The following MYLK variants were observed in gnomAD, a reference collection of about 807,000 sequenced individuals.
MYLK encodes the protein myosin light chain kinase, smooth muscle.
Under a neutral mutation model 203.4 loss-of-function variants are expected in MYLK, and 106 were observed. The ratio of observed to expected loss-of-function variants is 0.52; its 90% CI spans 0.45 to 0.61. The LOEUF (loss-of-function observed/expected upper bound fraction) is 0.61, where lower values mean the gene tolerates loss of function less well. Ranked by LOEUF, MYLK falls within the 20% of genes least tolerant of loss-of-function variation. The pLI is 0.00. For missense variants in MYLK, 2,072 were observed against 2,442.3 expected (o/e 0.85, Z 3.20); for synonymous variants, 867 against 959.5 (o/e 0.90, Z 1.78).
At chr3:123,833,886 T>C (rs1477568869) in intron 2 of MYLK, among the ~76,000 whole-genome samples, 2 of 152,066 alleles carry the variant, frequency 1.3e-5, no homozygotes, top group Non-Finnish European at 2.9e-5. Context: ...CTTCATCAGG[T>C]AACAGGGCCC....
chr3:123,780,191 C>T (rs1304085748), intron 4 of MYLK, among the ~76,000 whole-genome samples: 2 of 152,074 alleles, frequency 1.3e-5, no homozygotes, highest in Admixed American at 6.5e-5. Context: ...CCCAGCACTT[C>T]GGGCGGCCTA....
At chr3:123,634,485 C>T (rs1038073240) in intron 29 of MYLK, among the ~76,000 whole-genome samples, 1 of 152,196 alleles carries the variant, frequency 6.6e-6, no homozygotes, top group Non-Finnish European at 1.5e-5. Flanking sequence ...ACACACCTCT[C>T]CTCCCTCCTG....
In MYLK at chr3:123,664,149, T is replaced by C. The variant is rs2059657264; in HGVS notation, c.3941A>G (p.Asn1314Ser). ...CTGGGCCTGCCTGCTGCCCAGCTTG[T>C]TCTCCACCAGCAGTGTGTAGCAGCC... Reference protein sequence around the residue: ...HCGCYTLLVENKLGSRQAQVN... With the variant: ...HCGCYTLLVESKLGSRQAQVN... Residue 1314 changes from asparagine to serine, a missense_variant, in exon 23 of 34, where the codon AAC becomes AGC. Asn to Ser is a conservative substitution (Grantham distance 46). Around this residue, in one of 3 missense-constraint regions of MYLK, gnomAD observed 524 missense variants for 782.4 expected, o/e 0.67. Transcript: ENST00000360304. 1 of 1,614,106 alleles carries C rather than the reference T, an allele frequency of 6.2e-7. No individual in the cohort carries two copies. The highest frequency in any genetic ancestry group is 8.5e-7 in the Non-Finnish European group (1 of 1,179,972).
Position 123,867,421 on chromosome 3 carries a change from C to CAAA in MYLK, c.-127+9135_-127+9137dup, listed in dbSNP as rs4048400. Among the ~76,000 whole-genome samples the CAAA allele has an allele frequency of 5.8e-5, 4 of 68,696 alleles. 1 individual carries two copies. The highest frequency in any genetic ancestry group is 2.9e-4 in the East Asian group (1 of 3,438). The allele number at this position is 68,696 out of a possible 152,430, so 45.1% of individuals were successfully genotyped here. A position where few individuals can be genotyped will look rare whatever the true frequency, so the allele number is the denominator to read the frequency against. On this transcript the variant is annotated intron_variant, in intron 2 of 33. Transcript: ENST00000360304. ...GGGATTTAATCCAATGACTAGTATCCAAAAAAAAAAAAAAAAAAACCAGGA... is the reference window on the plus strand; with the variant it reads ...GGGATTTAATCCAATGACTAGTATCCAAAAAAAAAAAAAAAAAAAAAACCAGGA...
Position 123,855,653 on chromosome 3 carries a change from C to T in MYLK, c.-127+20906G>A, listed in dbSNP as rs1195076195. Among the ~76,000 whole-genome samples, 4 of 151,816 alleles carry T rather than the reference C, an allele frequency of 2.6e-5. No homozygotes were observed. In the East Asian group the frequency reaches 7.8e-4, roughly 29 times the overall value. On this transcript the variant is annotated intron_variant, in intron 2 of 33. Coordinates refer to ENST00000360304, the MANE Select transcript of MYLK (RefSeq NM_053025.4). ...GACCCTGTCCTTAAAAAAATAAATA[C>T]AAGAAATTAAAAAAATAAAAACAAA...
chr3:123,690,821 T>A (rs2060630512), intron 19 of MYLK, among the ~76,000 whole-genome samples: 1 of 152,146 alleles, frequency 6.6e-6, no homozygotes. Context: ...GCTCCCAATT[T>A]GCAGCTGGAG....
chr3:123,723,535 C>T (rs1221664297), intron 12 of MYLK, among the ~76,000 whole-genome samples: 1 of 152,210 alleles, frequency 6.6e-6, no homozygotes, highest in Non-Finnish European at 1.5e-5. Flanking sequence ...TCTCTTCTGT[C>T]CAAACATGTG....
At position 123,841,191 on chromosome 3, in the gene MYLK, C is replaced by T. The variant is rs559732154; in HGVS notation, c.-126-9521G>A. Among the ~76,000 whole-genome samples the T allele has an allele frequency of 1.7e-3, 259 of 152,192 alleles. 1 individual carries two copies. Among genetic ancestry groups the T allele is most frequent in the Non-Finnish European group, 2.7e-3 (183 of 67,958 alleles). ...TAAAACCACAAGTGTTCAAAAGGTC[C>T]TGGACAACTATCTGTGAAGGATGCT... On this transcript the variant is annotated intron_variant, in intron 2 of 33. Coordinates refer to ENST00000360304, the MANE Select transcript of MYLK (RefSeq NM_053025.4).
At chr3:123,775,112 C>T (rs1023081889) in intron 4 of MYLK, among the ~76,000 whole-genome samples, 2 of 152,072 alleles carry the variant, frequency 1.3e-5, no homozygotes, top group African/African-American at 4.8e-5. Flanking sequence ...CAGCCTTGAA[C>T]TCCCGGGCTC....
chr3:123,772,791 AAAATGTGATATGTTTCATTT>A (rs1336851815), intron 4 of MYLK, among the ~76,000 whole-genome samples: 2 of 152,048 alleles, frequency 1.3e-5, no homozygotes, highest in Non-Finnish European at 2.9e-5. Context: ...AACGTAAAAT[AAAATGTGATATGTTTCATTT>A]AAAAAACGTG....
intron 4 of MYLK, among the ~76,000 whole-genome samples, chr3:123,754,441 T>A (rs547888148): frequency 6.6e-6 from 1 of 152,320 alleles, no homozygotes; most frequent in Admixed American, 6.5e-5. Flanking sequence ...CCTATCAAAA[T>A]CTAAACTATA....
intron 13 of MYLK, among the ~76,000 whole-genome samples, chr3:123,713,750 T>C (rs923395191): frequency 6.6e-6 from 1 of 152,176 alleles, no homozygotes; most frequent in African/African-American, 2.4e-5. Context: ...AGATGGAAAC[T>C]GGCATTCTTA....
At chr3:123,666,486 T>A in intron 21 of MYLK, 140 bp from the exon 22 acceptor site, 1 of 1,204,118 alleles carries the variant, frequency 8.3e-7, no homozygotes, top group Non-Finnish European at 1.2e-6. Flanking sequence ...GGGGCAGTGA[T>A]CCTGCTGCAG....
chr3:123,842,812 G>C (rs2066626009), intron 2 of MYLK, among the ~76,000 whole-genome samples: 1 of 152,172 alleles, frequency 6.6e-6, no homozygotes, highest in African/African-American at 2.4e-5. Flanking sequence ...ATACATTAAT[G>C]AACAAAGCAA....
intron 10 of MYLK, among the ~76,000 whole-genome samples, 166 bp from the exon 11 acceptor site, chr3:123,733,268 C>T (rs865901010): frequency 2.0e-5 from 3 of 152,254 alleles, no homozygotes; most frequent in Admixed American, 6.5e-5. Context: ...CTCCACAAGA[C>T]GAAACCTCTT....
chr3:123,798,891 A>G (rs888608017), intron 3 of MYLK, among the ~76,000 whole-genome samples: 1 of 152,222 alleles, frequency 6.6e-6, no homozygotes, highest in Non-Finnish European at 1.5e-5. Context: ...CAGAAAAAAA[A>G]TTAATAATAA....
In MYLK at chr3:123,648,018, C is replaced by A. The variant is rs575234831; in HGVS notation, c.4416-591G>T. ...TTCCTTCCACTCCCTACCACTGACC[C>A]CCTGGTGATGGCCCAGGCAGGGTCC... On this transcript the variant is annotated intron_variant, in intron 26 of 33. Coordinates refer to ENST00000360304, the MANE Select transcript of MYLK (RefSeq NM_053025.4). This position sits in a 1 kb window ranked among gnomAD's most constrained non-coding sequence, Gnocchi z 4.5. Among the ~76,000 whole-genome samples the A allele has an allele frequency of 3.3e-5, 5 of 152,320 alleles. No individual in the cohort carries two copies. The East Asian group carries it at 9.6e-4, about 29-fold the overall frequency.
In MYLK at chr3:123,649,204, G is replaced by C. The variant is rs1296910439; in HGVS notation, c.4289-10C>G. ...ACTTCATCCTTCGGCTCTGGGGGGG[G>C]CACAAGGAAGGACAGAGAGGACACA... On this transcript the variant is annotated splice_polypyrimidine_tract_variant and intron_variant, in intron 24 of 33. Coordinates refer to ENST00000360304, the MANE Select transcript of MYLK (RefSeq NM_053025.4). The C allele has an allele frequency of 6.2e-7, 1 of 1,612,216 alleles. No homozygotes were observed. The highest frequency in any genetic ancestry group is 8.5e-7 in the Non-Finnish European group (1 of 1,179,970).
chr3:123,793,545 C>A (rs975375897), intron 4 of MYLK, 132 bp downstream of exon 4: 2 of 960,638 alleles, frequency 2.1e-6, no homozygotes. Flanking sequence ...GGCACAGGTT[C>A]GTTTTACATG....
Sources: gnomAD v4.1 joint callset for allele counts (sites outside exome capture counted in the v4.1 genomes callset) on GRCh38, gnomAD v4.1.1 for gene constraint, gnomAD v4.1.1 regional missense constraint, Gnocchi (gnomAD v3.1) non-coding constraint, MANE v1.5 for transcripts, NCBI Gene and HGNC (gene_info 2026-07-23, HGNC 2026-07-21) for gene names.